SCFD2: variants seen among roughly 807,000 people sequenced by gnomAD.
SCFD2 encodes sec1 family domain containing 2.
SCFD2 carries 54 observed loss-of-function variants against 58.9 expected under a neutral mutation model. The ratio of observed to expected loss-of-function variants is 0.92; its 90% CI spans 0.74 to 1.15. The LOEUF (loss-of-function observed/expected upper bound fraction) is 1.15. Ranked by LOEUF, SCFD2 falls within the 50% of genes most tolerant of loss-of-function variation. The pLI, the probability that SCFD2 is intolerant of heterozygous loss-of-function variation, is 0.00. For synonymous variants in SCFD2, 321 were observed against 335.9 expected, an observed-to-expected ratio of 0.96 and a Z score of 0.49; for missense variants, 805 against 836.6, an observed-to-expected ratio of 0.96 and a Z score of 0.47.
Position 53,210,662 on chromosome 4 carries a change from G to A in SCFD2, c.1311+63164C>T, listed in dbSNP as rs144645622. ...ATTTATTTCTATTTTTATTAATAACGTGCATTATTCTTTTTAATAAATTAA... is the reference window on the plus strand; with the variant it reads ...ATTTATTTCTATTTTTATTAATAACATGCATTATTCTTTTTAATAAATTAA... On this transcript the variant is annotated intron_variant, in intron 4 of 8. Transcript: ENST00000401642. 2.1e-4 allele frequency among the ~76,000 whole-genome samples: 32 copies of A among 151,982 alleles called. No homozygotes were observed. In the East Asian group the frequency reaches 4.3e-3, roughly 20 times the overall value.
intron 5 of SCFD2, among the ~76,000 whole-genome samples, chr4:53,068,447 G>A (rs920907938): frequency 1.7e-4 from 26 of 152,056 alleles, no homozygotes; most frequent in Admixed American, 3.3e-4. Flanking sequence ...GAAGGAGAGA[G>A]GGAGAATAAG....
intron 2 of SCFD2, among the ~76,000 whole-genome samples, chr4:53,337,865 C>T (rs1056520826): frequency 6.6e-6 from 1 of 152,056 alleles, no homozygotes; most frequent in African/African-American, 2.4e-5. Flanking sequence ...ATAAATTTTG[C>T]TTCAGTAAAA....
chr4:53,192,952 G>T (rs1262088707), intron 4 of SCFD2, among the ~76,000 whole-genome samples: 1 of 151,992 alleles, frequency 6.6e-6, no homozygotes, highest in African/African-American at 2.4e-5. Flanking sequence ...TGGCACAAAA[G>T]AAATTATGAA....
At chr4:52,985,440 T>C (rs1721467003) in intron 5 of SCFD2, among the ~76,000 whole-genome samples, 1 of 152,174 alleles carries the variant, frequency 6.6e-6, no homozygotes, top group South Asian at 2.1e-4. Context: ...GGCTTTCAAG[T>C]TATTGAGGAT....
At chr4:53,281,974 T>A (rs575844626) in intron 3 of SCFD2, among the ~76,000 whole-genome samples, 98 of 152,344 alleles carry the variant, frequency 6.4e-4, no homozygotes, top group African/African-American at 2.2e-3. Context: ...ATTACTAAAC[T>A]ATTATGTGCT....
At chr4:53,089,176 C>T (rs1470413264) in intron 5 of SCFD2, among the ~76,000 whole-genome samples, 6 of 152,166 alleles carry the variant, frequency 3.9e-5, no homozygotes, top group Admixed American at 3.9e-4. Flanking sequence ...TTTGTAATAG[C>T]AGTTCCAACA....
At chr4:53,201,097 ATG>A (rs1402875319) in intron 4 of SCFD2, among the ~76,000 whole-genome samples, 3 of 152,038 alleles carry the variant, frequency 2.0e-5, no homozygotes, top group African/African-American at 7.3e-5. Flanking sequence ...ATATGTATAC[ATG>A]TGCCATGTTG....
rs1412741803 is a variant in SCFD2 at position 53,139,537 on chromosome 4, G to C, written c.1561+5796C>G. On this transcript the variant is annotated intron_variant, in intron 5 of 8. Coordinates refer to ENST00000401642, the MANE Select transcript of SCFD2 (RefSeq NM_152540.4). ...AGCCCCTCTGCCCGGCAGCTGCCCC[G>C]TCTGGGAAGTGAGGAGCCCCTCCGC... is the stretch of plus-strand genomic sequence containing the variant. 8.2e-5 allele frequency among the ~76,000 whole-genome samples: 12 copies of C among 145,538 alleles called. 1 individual carries two copies. Among genetic ancestry groups the C allele is most frequent in the Non-Finnish European group, 1.7e-4 (11 of 65,330 alleles).
At chr4:53,309,560 G>C (rs1005680833) in intron 3 of SCFD2, among the ~76,000 whole-genome samples, 1 of 152,146 alleles carries the variant, frequency 6.6e-6, no homozygotes, top group Non-Finnish European at 1.5e-5. Flanking sequence ...GGAATGAACA[G>C]AGTCAGGAAA....
At chr4:53,064,197 G>A (rs1358773822) in intron 5 of SCFD2, among the ~76,000 whole-genome samples, 1 of 151,988 alleles carries the variant, frequency 6.6e-6, no homozygotes, top group Non-Finnish European at 1.5e-5. Context: ...TGATGCTGAG[G>A]TTTGGGGTAC....
intron 5 of SCFD2, among the ~76,000 whole-genome samples, chr4:53,120,197 G>A (rs1414954876): frequency 6.6e-6 from 1 of 152,026 alleles, no homozygotes; most frequent in African/African-American, 2.4e-5. Flanking sequence ...ATAAAGCTGG[G>A]GGAAAAGAGA....
chr4:52,932,087 C>T (rs946353267), intron 5 of SCFD2, among the ~76,000 whole-genome samples: 1 of 152,186 alleles, frequency 6.6e-6, no homozygotes, highest in Non-Finnish European at 1.5e-5. Context: ...AGCCCAAGAC[C>T]AGTCTGGTTG....
chr4:53,038,479 AGTTT>A (rs1336855423), intron 5 of SCFD2, among the ~76,000 whole-genome samples: 1 of 152,170 alleles, frequency 6.6e-6, no homozygotes, highest in Non-Finnish European at 1.5e-5. Context: ...TTCACAGAAG[AGTTT>A]GTTTTAAACA....
chr4:53,232,858 T>G (rs1452108890), intron 4 of SCFD2, among the ~76,000 whole-genome samples: 3 of 152,174 alleles, frequency 2.0e-5, no homozygotes, highest in Non-Finnish European at 2.9e-5. Flanking sequence ...ACTTCTGCTG[T>G]GAGTCCTTTA....
chr4:53,205,529 G>A (rs1270972557), intron 4 of SCFD2, among the ~76,000 whole-genome samples: 2 of 152,060 alleles, frequency 1.3e-5, no homozygotes, highest in African/African-American at 4.8e-5. Context: ...CCACAAAACT[G>A]CTTGAAACCC....
chr4:53,314,915 C>T (rs1732810294), intron 2 of SCFD2, among the ~76,000 whole-genome samples: 1 of 152,176 alleles, frequency 6.6e-6, no homozygotes, highest in Admixed American at 6.5e-5. Flanking sequence ...ATCATTATAA[C>T]TCTGCATCTA....
chr4:53,294,945 T>A (rs1415523544), intron 3 of SCFD2, among the ~76,000 whole-genome samples: 1 of 152,180 alleles, frequency 6.6e-6, no homozygotes, highest in Non-Finnish European at 1.5e-5. Flanking sequence ...GATCAGATGG[T>A]TGCAGATGTG....
In SCFD2 at chr4:53,313,739, C is replaced by T; in HGVS notation, c.1032G>A (p.Trp344Ter). 2 of 1,613,966 alleles carry T rather than the reference C, an allele frequency of 1.2e-6. No individual in the cohort carries two copies. The highest frequency in any genetic ancestry group is 1.7e-6 in the Non-Finnish European group (2 of 1,179,946). ...QSSDTTAKAL[W>*]EALLNTKHKE... ...TGTGCTTAGTGTTCAGTAAAGCTTC[C>T]CATAGGGCTTTGGCTGTGGTGTCAC... Residue 344 changes from tryptophan (W) to a stop codon, truncating the protein, a stop_gained, in exon 3 of 9, where the codon TGG becomes TGA. Coordinates refer to ENST00000401642, the MANE Select transcript of SCFD2 (RefSeq NM_152540.4). LOFTEE classifies it high-confidence loss of function.
At chr4:53,017,371 T>C (rs1722240227) in intron 5 of SCFD2, among the ~76,000 whole-genome samples, 1 of 152,198 alleles carries the variant, frequency 6.6e-6, no homozygotes, top group Admixed American at 6.5e-5. Flanking sequence ...GAAAACTTAC[T>C]GTGTGAAATA....
Sources: gnomAD v4.1 joint callset for allele counts (sites outside exome capture counted in the v4.1 genomes callset) on GRCh38, gnomAD v4.1.1 for gene constraint, MANE v1.5 for transcripts, NCBI Gene and HGNC (gene_info 2026-07-23, HGNC 2026-07-21) for gene names.